The following CFAP47 variants were observed in gnomAD, a reference collection of about 807,000 sequenced individuals.
CFAP47 encodes the protein cilia and flagella associated protein 47.
A neutral mutation model predicts 148.1 loss-of-function variants in CFAP47; 29 were observed. The observed-to-expected ratio is 0.20, with a 90% CI of 0.15 to 0.27. The LOEUF (loss-of-function observed/expected upper bound fraction) is 0.27, where lower values mean the gene tolerates loss of function less well. Among genes scored for constraint, CFAP47 ranks in the 10% least tolerant of loss-of-function variants. CFAP47 has a pLI of 1.00. For synonymous variants in CFAP47, 664 were observed against 577.3 expected (o/e 1.15, Z -2.15); for missense variants, 1,872 against 1,697.5 (o/e 1.10, Z -1.81).
intron 40 of CFAP47, among the ~76,000 whole-genome samples, chrX:36,181,505 G>T: frequency 8.9e-6 from 1 of 111,918 alleles, no homozygotes; most frequent in Non-Finnish European, 1.9e-5. Context: ...AAGTGTGCCT[G>T]CCATGGTCCC....
intron 45 of CFAP47, among the ~76,000 whole-genome samples, chrX:36,218,916 T>G (rs782684234): frequency 8.9e-6 from 1 of 112,145 alleles, no homozygotes; most frequent in Admixed American, 9.5e-5. Context: ...AGCTGAAGAC[T>G]TGCAGTCCTG....
intron 44 of CFAP47, 113 bp downstream of exon 44, chrX:36,201,613 A>G (rs782717911): frequency 7.0e-6 from 2 of 285,092 alleles, no homozygotes; most frequent in African/African-American, 5.5e-5. Context: ...CATTTTTAGA[A>G]GGAAAAGTAA....
intron 30 of CFAP47, among the ~76,000 whole-genome samples, chrX:36,085,924 T>G (rs879066633): frequency 1.8e-5 from 2 of 110,805 alleles, no homozygotes; most frequent in African/African-American, 6.6e-5. Context: ...TTCAAGGTGA[T>G]GCTGATATTT....
chrX:36,241,740 C>G (rs1555996050), intron 48 of CFAP47, among the ~76,000 whole-genome samples: 1 of 112,061 alleles, frequency 8.9e-6, no homozygotes, highest in Non-Finnish European at 1.9e-5. Flanking sequence ...ACACATTAGT[C>G]CATCAGCTGG....
intron 49 of CFAP47, among the ~76,000 whole-genome samples, chrX:36,279,888 A>G (rs1402495798): frequency 1.8e-5 from 2 of 110,151 alleles, no homozygotes; most frequent in Non-Finnish European, 3.8e-5. Flanking sequence ...TATTTTTAGT[A>G]GAAACAAGTT....
At chrX:36,002,991 A>G (rs1936933762) in intron 21 of CFAP47, among the ~76,000 whole-genome samples, 2 of 111,499 alleles carry the variant, frequency 1.8e-5, no homozygotes, top group South Asian at 7.5e-4. Flanking sequence ...CAGTTGAGAT[A>G]AGATAATGTT....
intron 23 of CFAP47, among the ~76,000 whole-genome samples, chrX:36,034,984 A>C (rs771352530): frequency 1.3e-4 from 14 of 110,393 alleles, no homozygotes; most frequent in African/African-American, 4.3e-4. Context: ...CTCTCTCTAT[A>C]TATATATATC....
Position 36,228,818 on chromosome X carries a change from T to C in CFAP47, c.7008T>C (p.Ile2336=), listed in dbSNP as rs1555991905. The C allele has an allele frequency of 1.9e-6, 1 of 521,199 alleles. No homozygotes were observed. Among genetic ancestry groups the C allele is most frequent in the South Asian group, 2.5e-5 (1 of 39,669 alleles). The allele number at this position is 521,199 out of a possible 1,213,427, so 43.0% of individuals were successfully genotyped here. A position where few individuals can be genotyped will look rare whatever the true frequency, so the allele number is the denominator to read the frequency against. The change falls in exon 46 of 64, where the codon ATT becomes ATC. Residue 2336 remains isoleucine (I), a synonymous_variant. Coordinates refer to ENST00000378653, the MANE Select transcript of CFAP47 (RefSeq NM_001304548.2). ...TPAFEALTQN[I]PIKNQTNDKW... is the part of the protein sequence containing the mutation. Reference sequence around the variant, plus strand: ...CATTTGAAGCCCTTACTCAGAATATTCCAATAGTATGTATAAACTTTTTTG... The same window carrying C: ...CATTTGAAGCCCTTACTCAGAATATCCCAATAGTATGTATAAACTTTTTTG...
chrX:36,167,390 G>A (rs1939505073), intron 39 of CFAP47, among the ~76,000 whole-genome samples: 1 of 111,431 alleles, frequency 9.0e-6, no homozygotes, highest in Non-Finnish European at 1.9e-5. Flanking sequence ...TCCATTTTAG[G>A]AGCTGAGTGC....
intron 26 of CFAP47, among the ~76,000 whole-genome samples, chrX:36,058,246 T>C (rs887939910): frequency 8.9e-6 from 1 of 112,123 alleles, no homozygotes; most frequent in Non-Finnish European, 1.9e-5. Flanking sequence ...ACCTGTTTTT[T>C]GAGAAAACAT....
chrX:36,145,077 G>A lies in CFAP47; in HGVS notation c.5536-142G>A, dbSNP rs766566292. ...AATTCCCGTTTATATATATATATGC[G>A]TGTGTGTGTGTGTGTGTGTGTGTGT... On this transcript the variant is annotated intron_variant, in intron 35 of 63. Transcript: ENST00000378653. 2.0e-3 allele frequency: 142 copies of A among 69,290 alleles called. 1 individual carries two copies. The East Asian group carries it at 0.046, about 22-fold the overall frequency. The allele number at this position is 69,290 out of a possible 1,213,427, so 5.7% of individuals were successfully genotyped here. A position where few individuals can be genotyped will look rare whatever the true frequency, so the allele number is the denominator to read the frequency against.
chrX:36,191,406 A>G (rs1555986469), intron 42 of CFAP47, among the ~76,000 whole-genome samples: 1 of 111,728 alleles, frequency 9.0e-6, no homozygotes, highest in African/African-American at 3.2e-5. Flanking sequence ...TATAATTAAC[A>G]TGTTATCTCA....
chrX:35,929,129 A>G (rs1313630755), intron 2 of CFAP47, among the ~76,000 whole-genome samples: 2 of 111,567 alleles, frequency 1.8e-5, no homozygotes, highest in African/African-American at 6.5e-5. Context: ...TTTAGTTATC[A>G]AAATATCTCT....
chrX:36,096,234 A>G (rs1195017390), intron 30 of CFAP47, among the ~76,000 whole-genome samples: 1 of 111,359 alleles, frequency 9.0e-6, no homozygotes, highest in Non-Finnish European at 1.9e-5. Flanking sequence ...GTTTATATAT[A>G]ATTGAATGTT....
chrX:35,964,184 T>C (rs1936370763), intron 8 of CFAP47, among the ~76,000 whole-genome samples: 1 of 111,692 alleles, frequency 9.0e-6, no homozygotes, highest in South Asian at 3.7e-4. Flanking sequence ...TATATTTATC[T>C]GGAAATGTCT....
rs775194917 is a variant in CFAP47, at chrX:36,046,901, G to A, written c.4055G>A (p.Gly1352Asp). ...ATTCCCACAGTAAGGCTTCTTGATG[G>A]TGAAGAGATTCACCCTCTTTCTGTG... ...VQIPTVRLLDGEEIHPLSVKF... is the reference protein window; with the variant it reads ...VQIPTVRLLDDEEIHPLSVKF... Residue 1352 changes from glycine to aspartate, a missense_variant, in exon 26 of 64, where the codon GGT (glycine) becomes GAT (aspartate). Physicochemically the swap from Gly to Asp is moderately conservative, Grantham distance 94. Coordinates refer to ENST00000378653, the MANE Select transcript of CFAP47 (RefSeq NM_001304548.2). 2 of 1,162,496 alleles carry A rather than the reference G, an allele frequency of 1.7e-6. No individual in the cohort carries two copies. Among genetic ancestry groups the A allele is most frequent in the Non-Finnish European group, 2.3e-6 (2 of 870,857 alleles).
intron 56 of CFAP47, among the ~76,000 whole-genome samples, chrX:36,313,857 G>A (rs782195936): frequency 7.2e-5 from 8 of 111,228 alleles, no homozygotes; most frequent in Non-Finnish European, 1.5e-4. Context: ...TGCATAGCTT[G>A]ATTTAAATAT....
intron 37 of CFAP47, among the ~76,000 whole-genome samples, chrX:36,153,641 C>A (rs774699174): frequency 8.9e-6 from 1 of 112,386 alleles, no homozygotes; most frequent in Non-Finnish European, 1.9e-5. Flanking sequence ...CCAAGACTCT[C>A]CAGGGTACCC....
chrX:36,367,590 T>C (rs1198573657), intron 62 of CFAP47, among the ~76,000 whole-genome samples: 1 of 112,328 alleles, frequency 8.9e-6, no homozygotes, highest in East Asian at 2.8e-4. Context: ...ATGTAAAATA[T>C]ACTTTTACAG....
Sources: gnomAD v4.1 joint callset for allele counts (sites outside exome capture counted in the v4.1 genomes callset) on GRCh38, gnomAD v4.1.1 for gene constraint, MANE v1.5 for transcripts, NCBI Gene and HGNC (gene_info 2026-07-23, HGNC 2026-07-21) for gene names.